Variants in CSGALNACT1 observed in about 807,000 individuals in gnomAD.
CSGALNACT1 encodes beta4GalNAcT-1.
A neutral mutation model predicts 51.0 loss-of-function variants in CSGALNACT1; 52 were observed. That is an observed-to-expected ratio of 1.02 (90% CI 0.82 to 1.29). The LOEUF is 1.29. Ranked by LOEUF, CSGALNACT1 falls within the 50% of genes most tolerant of loss-of-function variation. The pLI, the probability that CSGALNACT1 is intolerant of heterozygous loss-of-function variation, is 0.00. For missense variants in CSGALNACT1, 935 were observed against 679.2 expected, an observed-to-expected ratio of 1.38 and a Z score of -4.19; for synonymous variants, 341 against 254.4, an observed-to-expected ratio of 1.34 and a Z score of -3.24.
intron 4 of CSGALNACT1, among the ~76,000 whole-genome samples, chr8:19,491,083 A>AG (rs1237417833): frequency 1.1e-5 from 1 of 89,828 alleles, no homozygotes; most frequent in South Asian, 3.3e-4. Flanking sequence ...TCTACCACTC[A>AG]GGAAAAAAAA....
chr8:19,414,436 C>A (rs1224764238), intron 8 of CSGALNACT1, among the ~76,000 whole-genome samples: 1 of 152,200 alleles, frequency 6.6e-6, no homozygotes, highest in Non-Finnish European at 1.5e-5. Context: ...ATTCCTTTCT[C>A]AGCGAACTGT....
rs1392479374 is a variant in CSGALNACT1 at position 19,667,077 on chromosome 8, A to G, written c.-544+15396T>C. 1.9e-3 allele frequency among the ~76,000 whole-genome samples: 236 copies of G among 125,440 alleles called. 51 individuals carry two copies. The highest frequency in any genetic ancestry group is 5.1e-3 in the African/African-American group (174 of 34,008). 82.3% of individuals were successfully genotyped at this position (125,440 alleles called of 152,430 possible). A position where few individuals can be genotyped will look rare whatever the true frequency, so the allele number is the denominator to read the frequency against. ...AAAGAAAGAAAGAAAGAAAGAAAGA[A>G]AGAAAGAAAGAAAGAAAGAAAGGGA... On this transcript the variant is annotated intron_variant, in intron 1 of 9. Transcript: ENST00000332246.
chr8:19,599,470 G>A (rs867695672), intron 2 of CSGALNACT1, among the ~76,000 whole-genome samples: 92 of 25,794 alleles, frequency 3.6e-3, no homozygotes, highest in African/African-American at 0.011. Context: ...AAGAAAGAAA[G>A]AAAAAGAAAG....
At chr8:19,703,350 C>G (rs991965865) in intron 1 of CSGALNACT1, among the ~76,000 whole-genome samples, 42 of 152,298 alleles carry the variant, frequency 2.8e-4, no homozygotes, top group African/African-American at 8.4e-4. Context: ...GTCACCCAGG[C>G]TAGAGTGCAG....
chr8:19,505,201 C>T (rs774682616), exon 4 of CSGALNACT1: 1 of 1,614,116 alleles, frequency 6.2e-7, no homozygotes. Flanking sequence ...AAATGCTAAC[C>T]TTCTATGAAA....
chr8:19,514,102 C>G (rs1216847057), intron 3 of CSGALNACT1, among the ~76,000 whole-genome samples: 3 of 152,132 alleles, frequency 2.0e-5, no homozygotes, highest in African/African-American at 7.2e-5. Flanking sequence ...TTATCTTCTG[C>G]TACGTTCCTG....
rs2077468394 is a variant in CSGALNACT1, at chr8:19,507,043, T to TTCTGA, written c.-296-918_-296-914dup. On this transcript the variant is annotated intron_variant, in intron 3 of 9. Transcript: ENST00000454498. The stretch of plus-strand genomic sequence containing the variant: ...AAGAGGATCGACATGGTTCTGAGCT[T>TTCTGA]TCTGATCAGGAACTGGGGAAGCACC... Among the ~76,000 whole-genome samples, 4 of 152,166 alleles carry TTCTGA rather than the reference T, an allele frequency of 2.6e-5. No individual in the cohort carries two copies. The South Asian group carries it at 8.3e-4, about 32-fold the overall frequency.
intron 1 of CSGALNACT1, among the ~76,000 whole-genome samples, chr8:19,634,767 C>A (rs1437524413): frequency 1.3e-5 from 2 of 152,182 alleles, no homozygotes; most frequent in Non-Finnish European, 2.9e-5. Context: ...AGAGCCCTTA[C>A]CAGGAAGCAA....
chr8:19,511,514 A>G (rs565672883), intron 3 of CSGALNACT1, among the ~76,000 whole-genome samples: 1 of 152,328 alleles, frequency 6.6e-6, no homozygotes, highest in South Asian at 2.1e-4. Context: ...TCAAAAATGG[A>G]TATAAAGTCA....
At chr8:19,693,657 G>A (rs994477067) in intron 1 of CSGALNACT1, among the ~76,000 whole-genome samples, 4 of 152,016 alleles carry the variant, frequency 2.6e-5, no homozygotes, top group African/African-American at 7.2e-5. Context: ...CAGAGCTTTA[G>A]TTCTTACCTG....
intron 3 of CSGALNACT1, among the ~76,000 whole-genome samples, chr8:19,573,579 T>A (rs1770215446): frequency 6.6e-6 from 1 of 152,090 alleles, no homozygotes; most frequent in South Asian, 2.1e-4. Flanking sequence ...ATGTAGCTGG[T>A]ATTATAGGTG....
chr8:19,677,513 A>G (rs1262233986), intron 1 of CSGALNACT1, among the ~76,000 whole-genome samples: 3 of 152,234 alleles, frequency 2.0e-5, no homozygotes, highest in Non-Finnish European at 4.4e-5. Flanking sequence ...CAACATTAGA[A>G]CAATGACCTT....
At chr8:19,573,333 C>T (rs374886720) in intron 3 of CSGALNACT1, among the ~76,000 whole-genome samples, 1 of 152,352 alleles carries the variant, frequency 6.6e-6, no homozygotes, top group Middle Eastern at 3.4e-3. Context: ...CTTTAAAAAT[C>T]CAGCAGTGGG....
At chr8:19,619,716 C>T (rs544805799) in intron 1 of CSGALNACT1, among the ~76,000 whole-genome samples, 2 of 152,248 alleles carry the variant, frequency 1.3e-5, no homozygotes, top group Admixed American at 1.3e-4. Context: ...TGAACACATT[C>T]GTGTCACAAT....
chr8:19,453,489 T>G (rs2063546472), intron 5 of CSGALNACT1, among the ~76,000 whole-genome samples: 1 of 152,138 alleles, frequency 6.6e-6, no homozygotes, highest in Non-Finnish European at 1.5e-5. Context: ...AAATATATAA[T>G]TGTGTCCATG....
chr8:19,754,194 A>T (rs981374909), intron 1 of CSGALNACT1, among the ~76,000 whole-genome samples: 1 of 152,028 alleles, frequency 6.6e-6, no homozygotes, highest in Non-Finnish European at 1.5e-5. Flanking sequence ...TGCCCAGCTA[A>T]TTTTTGTATT....
intron 8 of CSGALNACT1, among the ~76,000 whole-genome samples, chr8:19,411,048 T>G (rs1352056389): frequency 6.6e-6 from 1 of 152,196 alleles, no homozygotes; most frequent in Non-Finnish European, 1.5e-5. Flanking sequence ...CCTTCTGCCC[T>G]ATATAAGGCC....
At chr8:19,476,986 T>G (rs778353496) in intron 4 of CSGALNACT1, among the ~76,000 whole-genome samples, 136 of 152,328 alleles carry the variant, frequency 8.9e-4, no homozygotes, top group Non-Finnish European at 1.4e-3. Flanking sequence ...CTGACCCAGT[T>G]GCAGAATCTG....
chr8:19,615,338 A>G (rs2154155384), intron 1 of CSGALNACT1, among the ~76,000 whole-genome samples: 1 of 152,338 alleles, frequency 6.6e-6, no homozygotes, highest in Middle Eastern at 3.4e-3. Context: ...TTCCATCCAA[A>G]GGAATTTGCC....
Sources: allele counts gnomAD v4.1 joint callset (sites outside exome capture counted in the v4.1 genomes callset), GRCh38; gene constraint gnomAD v4.1.1; transcripts MANE v1.5; gene names NCBI Gene and HGNC (gene_info 2026-07-23, HGNC 2026-07-21).